The following GINS4 variants were observed in gnomAD, a reference collection of about 807,000 sequenced individuals.
GINS4 encodes GINS complex subunit 4.
A neutral mutation model predicts 31.1 loss-of-function variants in GINS4; 20 were observed. The observed-to-expected ratio is 0.64, with a 90% CI of 0.45 to 0.93. The LOEUF is 0.93. Ranked by LOEUF, GINS4 falls within the 40% of genes least tolerant of loss-of-function variation. The probability of loss-of-function intolerance (pLI) is 0.00; values close to 1 mark genes in which losing one functional copy is unlikely to be tolerated. For missense variants in GINS4, 245 were observed against 273.9 expected, an observed-to-expected ratio of 0.89 and a Z score of 0.75; for synonymous variants, 85 against 97.9, an observed-to-expected ratio of 0.87 and a Z score of 0.78.
chr8:41,539,893 C>A, intron 5 of GINS4, 23 bp from the exon 6 acceptor site: 1 of 1,609,606 alleles, frequency 6.2e-7, no homozygotes, highest in Non-Finnish European at 8.5e-7. Flanking sequence ...TACACCACAG[C>A]GATTTGAATC....
intron 3 of GINS4, among the ~76,000 whole-genome samples, chr8:41,536,692 G>C (rs1290458845): frequency 1.3e-5 from 2 of 152,222 alleles, no homozygotes; most frequent in African/African-American, 2.4e-5. Flanking sequence ...CAGTTGACCA[G>C]AGCAGTCCCA....
intron 4 of GINS4, among the ~76,000 whole-genome samples, chr8:41,539,165 CA>C (rs1431614642): frequency 6.6e-6 from 1 of 150,858 alleles, no homozygotes; most frequent in Non-Finnish European, 1.5e-5. Flanking sequence ...ACTAAAAATA[CA>C]AAAATCATCT....
At chr8:41,534,677 G>GA (rs1220292579) in intron 2 of GINS4, among the ~76,000 whole-genome samples, 1 of 151,808 alleles carries the variant, frequency 6.6e-6, no homozygotes, top group African/African-American at 2.4e-5. Context: ...AGACCATAAA[G>GA]AAAATTCAAC....
intron 3 of GINS4, among the ~76,000 whole-genome samples, chr8:41,536,741 C>T (rs1806747198): frequency 6.6e-6 from 1 of 152,244 alleles, no homozygotes; most frequent in African/African-American, 2.4e-5. Context: ...CTCCCCACAG[C>T]CCCTGACTAC....
chr8:41,539,680 A>T lies in GINS4; in HGVS notation c.300A>T (p.Ile100=). The stretch of plus-strand genomic sequence containing the variant: ...AAGATTTTGCTTTATCCTCACAGAT[A>T]GAGAAGTTTTTCCCTCATGTCCTTG... ...SSYLRCRLMK[I]EKFFPHVLEK... The change falls in exon 5 of 8, where the codon ATA becomes ATT. Residue 100 remains isoleucine, a splice_region_variant and synonymous_variant. Transcript: ENST00000276533. The T allele has an allele frequency of 6.2e-7, 1 of 1,609,240 alleles. No individual in the cohort carries two copies. The highest frequency in any genetic ancestry group is 8.5e-7 in the Non-Finnish European group (1 of 1,175,790).
At chr8:41,534,166 G>A in intron 2 of GINS4, 1 of 288,566 alleles carries the variant, frequency 3.5e-6, no homozygotes, top group African/African-American at 2.2e-5. Flanking sequence ...ACTTCTGGAG[G>A]CTAATGCAGG....
In GINS4 at chr8:41,541,838, T is replaced by C; in HGVS notation, c.514T>C (p.Phe172Leu). Residue 172 changes from phenylalanine to leucine, a missense_variant, in exon 7 of 8, where the codon TTT (phenylalanine) becomes CTT (leucine). Phe to Leu is a conservative substitution (Grantham distance 22). Transcript: ENST00000276533. ...CAAACCAGATCTAGATTCTTACGTG[T>C]TTCTGAGAGTGAGAGAACGACAAGA... Reference protein sequence around the residue: ...VPKPDLDSYVFLRVRERQENI... With the variant: ...VPKPDLDSYVLLRVRERQENI... 1 of 1,614,130 alleles carries C rather than the reference T, an allele frequency of 6.2e-7. No homozygotes were observed. Among genetic ancestry groups the C allele is most frequent in the Non-Finnish European group, 8.5e-7 (1 of 1,179,974 alleles).
rs1806804302 is a variant in GINS4 at position 41,539,774 on chromosome 8, G to A, written c.394G>A (p.Glu132Lys). The stretch of plus-strand genomic sequence containing the variant: ...GCCGGAAGAGTTGGCCTTTGCCAGA[G>A]AGTGAGTGAGTGAGCCGTTGGCGTG... ...LSPEELAFAREFMANTESYLK... is the reference protein window; with the variant it reads ...LSPEELAFARKFMANTESYLK... Residue 132 changes from glutamate (E) to lysine (K), a missense_variant and splice_region_variant, in exon 5 of 8, where the codon GAG (glutamate) becomes AAG (lysine). Transcript: ENST00000276533. 4 of 1,612,112 alleles carry A rather than the reference G, an allele frequency of 2.5e-6. No homozygotes were observed. The highest frequency in any genetic ancestry group is 1.3e-5 in the African/African-American group (1 of 75,022).
intron 2 of GINS4, among the ~76,000 whole-genome samples, chr8:41,535,155 C>T (rs1300791674): frequency 6.6e-6 from 1 of 151,936 alleles, no homozygotes; most frequent in Non-Finnish European, 1.5e-5. Flanking sequence ...CTGACGAATA[C>T]GGTGAAACCC....
At chr8:41,530,842 T>C (rs1349739954) in intron 2 of GINS4, among the ~76,000 whole-genome samples, 2 of 152,234 alleles carry the variant, frequency 1.3e-5, no homozygotes, top group Non-Finnish European at 2.9e-5. Context: ...AACTGTGTTC[T>C]TTACACTTAT....
rs753274950 is a variant in GINS4, at chr8:41,542,067, G to A, written c.652G>A (p.Gly218Arg). Residue 218 changes from glycine (G) to arginine (R), a missense_variant, in exon 8 of 8, where the codon GGA becomes AGA. By Grantham distance (125) the Gly-to-Arg change is moderately radical. Transcript: ENST00000276533. ...AACCATTGCACCTCTGGTTGCATCT[G>A]GAGCTGTCCAGCTAATTTAAAACTA... is the stretch of plus-strand genomic sequence containing the variant. ...YKTIAPLVASGAVQLI is the reference protein window; with the variant it reads ...YKTIAPLVASRAVQLI 12 of 1,613,774 alleles carry A rather than the reference G, an allele frequency of 7.4e-6. No individual in the cohort carries two copies. Among genetic ancestry groups the A allele is most frequent in the Non-Finnish European group, 1.0e-5 (12 of 1,179,818 alleles).
Position 41,542,126 on chromosome 8 carries a change from G to A in GINS4, c.*39G>A, listed in dbSNP as rs1806852969. 1 of 1,514,754 alleles carries A rather than the reference G, an allele frequency of 6.6e-7. No individual in the cohort carries two copies. Among genetic ancestry groups the A allele is most frequent in the African/African-American group, 1.4e-5 (1 of 72,780 alleles). The allele number at this position is 1,514,754 out of a possible 1,614,324, so 93.8% of individuals were successfully genotyped here. ...CAGCCAGGCATGGTGACTCAAGCCTGTAATCCCAGCACTTTGGGAGGCCGA... is the reference window on the plus strand; with the variant it reads ...CAGCCAGGCATGGTGACTCAAGCCTATAATCCCAGCACTTTGGGAGGCCGA... On this transcript the variant is annotated 3_prime_UTR_variant, in exon 8 of 8. Transcript: ENST00000276533.
chr8:41,534,730 C>A (rs973148399), intron 2 of GINS4, among the ~76,000 whole-genome samples: 2 of 151,468 alleles, frequency 1.3e-5, no homozygotes, highest in African/African-American at 2.4e-5. Flanking sequence ...GGGAGGGACA[C>A]ACAGGGTCTT....
chr8:41,532,386 A>G (rs72638921), intron 2 of GINS4, among the ~76,000 whole-genome samples: 3,042 of 152,296 alleles, frequency 0.02, 60 homozygotes, highest in Non-Finnish European at 0.029. Context: ...TGAGCAATAT[A>G]AAGTATGGCA....
chr8:41,537,552 G>A, intron 4 of GINS4: 1 of 383,948 alleles, frequency 2.6e-6, no homozygotes, highest in Non-Finnish European at 4.8e-6. Context: ...GTTCCCCCTT[G>A]CGTTACAGCA....
intron 1 of GINS4, 91 bp from the exon 2 acceptor site, chr8:41,530,093 C>A (rs905940318): frequency 2.7e-5 from 23 of 838,286 alleles, no homozygotes; most frequent in Non-Finnish European, 4.0e-5. Flanking sequence ...CAGGAAACCT[C>A]AATAAACCTT....
chr8:41,532,832 C>CA (rs369894142), intron 2 of GINS4, among the ~76,000 whole-genome samples: 13,565 of 67,440 alleles, frequency 0.2, 906 homozygotes, highest in Middle Eastern at 0.27. Flanking sequence ...GACTCCATCT[C>CA]AAAAAAAAAA....
intron 1 of GINS4, 89 bp from the exon 2 acceptor site, chr8:41,530,095 A>G (rs920853632): frequency 1.0e-5 from 9 of 867,730 alleles, no homozygotes; most frequent in Non-Finnish European, 1.6e-5. Flanking sequence ...GGAAACCTCA[A>G]TAAACCTTTC....
At chr8:41,535,648 C>T (rs1657224710) in intron 2 of GINS4, among the ~76,000 whole-genome samples, 1 of 152,168 alleles carries the variant, frequency 6.6e-6, no homozygotes, top group African/African-American at 2.4e-5. Context: ...AACTACATTT[C>T]CTGTAATTGA....
Sources: gnomAD v4.1 joint callset for allele counts (sites outside exome capture counted in the v4.1 genomes callset) on GRCh38, gnomAD v4.1.1 for gene constraint, MANE v1.5 for transcripts, NCBI Gene and HGNC (gene_info 2026-07-23, HGNC 2026-07-21) for gene names.